CATSPERE: variants seen among roughly 807,000 people sequenced by gnomAD.
The protein encoded by CATSPERE is cation channel sperm-associated auxiliary subunit epsilon.
In CATSPERE, 93 loss-of-function variants were observed where a neutral mutation model predicts 114.1. The observed-to-expected ratio is 0.81, with a 90% CI of 0.69 to 0.97. The LOEUF is 0.97. Among genes scored for constraint, CATSPERE ranks in the 50% least tolerant of loss-of-function variants. The probability of loss-of-function intolerance (pLI) is 0.00; values close to 1 mark genes in which losing one functional copy is unlikely to be tolerated. For synonymous variants in CATSPERE, 341 were observed against 384.1 expected, an observed-to-expected ratio of 0.89 and a Z score of 1.31; for missense variants, 1,058 against 1,131.6, an observed-to-expected ratio of 0.93 and a Z score of 0.93.
intron 7 of CATSPERE, among the ~76,000 whole-genome samples, chr1:244,511,521 G>A (rs775175644): frequency 6.6e-6 from 1 of 151,662 alleles, no homozygotes; most frequent in East Asian, 1.9e-4. Flanking sequence ...TTTTTTTCTG[G>A]TTCTTTTGTA....
intron 20 of CATSPERE, among the ~76,000 whole-genome samples, chr1:244,629,320 C>T (rs983289852): frequency 5.3e-5 from 8 of 152,070 alleles, no homozygotes; most frequent in African/African-American, 1.7e-4. Flanking sequence ...CTTTCAGGTC[C>T]CTCTGCATAT....
chr1:244,461,012 C>T (rs7524221), upstream of CATSPERE, among the ~76,000 whole-genome samples: 2,996 of 152,360 alleles, frequency 0.02, 89 homozygotes, highest in African/African-American at 0.068. Context: ...TACGCAGTCA[C>T]ATGAAGATTT....
intron 5 of CATSPERE, among the ~76,000 whole-genome samples, chr1:244,485,722 G>A (rs1670900788): frequency 6.9e-6 from 1 of 145,638 alleles, no homozygotes; most frequent in Non-Finnish European, 1.5e-5. Flanking sequence ...TTTTGAGATA[G>A]GATCTTGTCC....
intron 2 of CATSPERE, among the ~76,000 whole-genome samples, chr1:244,467,637 T>C (rs1667806555): frequency 6.6e-6 from 1 of 152,164 alleles, no homozygotes; most frequent in South Asian, 2.1e-4. Flanking sequence ...CCAGAAGACC[T>C]ATGTAGGAAC....
chr1:244,476,540 T>C (rs1669379755), intron 2 of CATSPERE, among the ~76,000 whole-genome samples: 1 of 152,230 alleles, frequency 6.6e-6, no homozygotes, highest in Admixed American at 6.5e-5. Context: ...TTTCTTCTTA[T>C]ACACTATCCT....
intron 10 of CATSPERE, among the ~76,000 whole-genome samples, chr1:244,567,491 T>C (rs1572793251): frequency 6.6e-6 from 1 of 152,176 alleles, no homozygotes; most frequent in Non-Finnish European, 1.5e-5. Flanking sequence ...ACCAATCAAA[T>C]ATAGGTTTGG....
chr1:244,507,342 A>T (rs1355880382), intron 7 of CATSPERE, among the ~76,000 whole-genome samples: 2 of 152,168 alleles, frequency 1.3e-5, no homozygotes, highest in Admixed American at 1.3e-4. Flanking sequence ...ACTGTTTTCC[A>T]TAGGAGTTGT....
chr1:244,532,249 A>G (rs1215765041), intron 8 of CATSPERE, among the ~76,000 whole-genome samples: 1 of 151,988 alleles, frequency 6.6e-6, no homozygotes, highest in Non-Finnish European at 1.5e-5. Flanking sequence ...ATCTTTTCAA[A>G]AAACAAATTT....
chr1:244,627,976 C>A (rs1290845273), intron 20 of CATSPERE, among the ~76,000 whole-genome samples: 1 of 152,212 alleles, frequency 6.6e-6, no homozygotes, highest in Admixed American at 6.5e-5. Flanking sequence ...ATGTGCATAA[C>A]CTGCCTGATA....
rs1217448561 is a variant in CATSPERE at position 244,483,650 on chromosome 1, TTTTG to T, written c.326+3867_326+3870del. On this transcript the variant is annotated intron_variant, in intron 5 of 21. Transcript: ENST00000366534. ...CTATTCAATAAGTATTTTGATCCAC[TTTTG>T]AGTTATTTTTATTTTCATAATAATT... Among the ~76,000 whole-genome samples, 3 of 152,294 alleles carry T rather than the reference TTTTG, an allele frequency of 2.0e-5. No homozygotes were observed. In the East Asian group the frequency reaches 5.8e-4, roughly 29 times the overall value.
intron 8 of CATSPERE, among the ~76,000 whole-genome samples, chr1:244,539,745 T>C (rs932640901): frequency 1.1e-5 from 1 of 87,034 alleles, no homozygotes; most frequent in Non-Finnish European, 2.4e-5. Context: ...TTCTAGATTT[T>C]CTAGTTTATT....
intron 8 of CATSPERE, among the ~76,000 whole-genome samples, chr1:244,536,007 C>T (rs1388469948): frequency 6.6e-6 from 1 of 152,026 alleles, no homozygotes; most frequent in African/African-American, 2.4e-5. Flanking sequence ...TCCTTCTCTT[C>T]AAGGCAGCAG....
At chr1:244,505,481 G>A (rs1277454819) in intron 7 of CATSPERE, among the ~76,000 whole-genome samples, 1 of 152,034 alleles carries the variant, frequency 6.6e-6, no homozygotes, top group Admixed American at 6.5e-5. Context: ...TTAACTATCT[G>A]TATTTATATT....
At chr1:244,517,357 T>C (rs894476969) in intron 7 of CATSPERE, among the ~76,000 whole-genome samples, 3 of 152,022 alleles carry the variant, frequency 2.0e-5, no homozygotes, top group African/African-American at 7.3e-5. Flanking sequence ...TACTCTTTCC[T>C]CAGCAGTTAT....
At position 244,628,605 on chromosome 1, in the gene CATSPERE, G is replaced by C. The variant is rs114519647; in HGVS notation, c.2649-6884G>C. 3.8e-3 allele frequency among the ~76,000 whole-genome samples: 574 copies of C among 152,048 alleles called. 4 individuals are homozygous for C. Among genetic ancestry groups the C allele is most frequent in the African/African-American group, 0.013 (559 of 41,466 alleles). ...TCTCATCAACTCTTGTTTTTTCCAA[G>C]TCCTGGCCATGTCACCACATATTTA... On this transcript the variant is annotated intron_variant, in intron 20 of 21. Coordinates refer to ENST00000366534, the MANE Select transcript of CATSPERE (RefSeq NM_001130957.2).
At chr1:244,592,147 A>C (rs1667806438) in intron 15 of CATSPERE, among the ~76,000 whole-genome samples, 1 of 152,120 alleles carries the variant, frequency 6.6e-6, no homozygotes, top group Non-Finnish European at 1.5e-5. Context: ...TCAAGAGTTC[A>C]AGACCAGCCT....
intron 17 of CATSPERE, among the ~76,000 whole-genome samples, chr1:244,601,401 T>G (rs761635847): frequency 4.6e-5 from 7 of 152,126 alleles, no homozygotes; most frequent in African/African-American, 7.2e-5. Flanking sequence ...TTTTCAGAAT[T>G]TAAGGCCCAA....
At chr1:244,553,624 C>CACACATATATACAT (rs1558484993) in intron 9 of CATSPERE, among the ~76,000 whole-genome samples, 3 of 144,440 alleles carry the variant, frequency 2.1e-5, no homozygotes, top group African/African-American at 5.5e-5. Flanking sequence ...CACACACACA[C>CACACATATATACAT]ACACACACAC....
At chr1:244,513,382 A>G (rs1352216014) in intron 7 of CATSPERE, among the ~76,000 whole-genome samples, 1 of 152,154 alleles carries the variant, frequency 6.6e-6, no homozygotes, top group East Asian at 1.9e-4. Flanking sequence ...AAAGGCATAC[A>G]TAAGTGCCAG....
Sources: gnomAD v4.1 joint callset for allele counts (sites outside exome capture counted in the v4.1 genomes callset) on GRCh38, gnomAD v4.1.1 for gene constraint, MANE v1.5 for transcripts, NCBI Gene and HGNC (gene_info 2026-07-23, HGNC 2026-07-21) for gene names.